The following SDK2 variants were observed in gnomAD, a reference collection of about 807,000 sequenced individuals.
The protein encoded by SDK2 is sidekick cell adhesion molecule 2.
In SDK2, 105 loss-of-function variants were observed where a neutral mutation model predicts 253.9. The ratio of observed to expected loss-of-function variants is 0.41; its 90% CI spans 0.35 to 0.49. The LOEUF (loss-of-function observed/expected upper bound fraction) is 0.49. SDK2 is among the 20% of genes least tolerant of loss of function. The pLI is 0.06. For missense variants in SDK2, 2,608 were observed against 3,003.0 expected, an observed-to-expected ratio of 0.87 and a Z score of 3.07; for synonymous variants, 1,249 against 1,234.9, an observed-to-expected ratio of 1.01 and a Z score of -0.24.
At chr17:73,605,352 C>T (rs1240214655) in intron 1 of SDK2, among the ~76,000 whole-genome samples, 1 of 152,078 alleles carries the variant, frequency 6.6e-6, no homozygotes, top group African/African-American at 2.4e-5. Context: ...GGGATCCAGG[C>T]TCAGGTGGAG....
At position 73,380,976 on chromosome 17, in the gene SDK2, G is replaced by A. The variant is rs994107987; in HGVS notation, c.4706-26C>T. On this transcript the variant is annotated intron_variant, in intron 33 of 44. Coordinates refer to ENST00000392650, the MANE Select transcript of SDK2 (RefSeq NM_001144952.2). ...CTATGGGGTGGGGGTGCCGGGGCGG[G>A]GGCGCAGAGGGAGACAGCAGACAGA... The A allele has an allele frequency of 3.0e-6, 4 of 1,344,314 alleles. No homozygotes were observed. The South Asian group carries it at 3.8e-5, about 13-fold the overall frequency. 83.3% of individuals were successfully genotyped at this position (1,344,314 alleles called of 1,614,324 possible).
rs2145620076 is a variant in SDK2, at chr17:73,435,808, A to C, written c.1001-164T>G. ...GTGCCACTTTGGGTCTAGGGAGAGG[A>C]GGAAGATGCTCTTTGAGTGGTAATT... On this transcript the variant is annotated intron_variant, in intron 8 of 44. Coordinates refer to ENST00000392650, the MANE Select transcript of SDK2 (RefSeq NM_001144952.2). The surrounding 1 kb of genome is among the most constrained non-coding windows in gnomAD (Gnocchi z 5.7). 6.6e-6 allele frequency among the ~76,000 whole-genome samples: 1 copy of C among 152,296 alleles called. No individual in the cohort carries two copies. The highest frequency in any genetic ancestry group is 2.1e-4 in the South Asian group (1 of 4,826).
chr17:73,465,576 G>T lies in SDK2; in HGVS notation c.331+6536C>A, dbSNP rs1401259351. Among the ~76,000 whole-genome samples, 1 of 152,084 alleles carries T rather than the reference G, an allele frequency of 6.6e-6. No homozygotes were observed. Among genetic ancestry groups the T allele is most frequent in the Non-Finnish European group, 1.5e-5 (1 of 68,022 alleles). On this transcript the variant is annotated intron_variant, in intron 3 of 44. Transcript: ENST00000392650. This position sits in a 1 kb window ranked among gnomAD's most constrained non-coding sequence, Gnocchi z 4.2. ...TGGTGACTTAAAAAAACACAAAGAA[G>T]AGACTCCAAGTGGGGACAGGAAGGG...
rs546098237 is a variant in SDK2, at chr17:73,535,957, C to T, written c.65-28360G>A. Among the ~76,000 whole-genome samples, 5 of 152,264 alleles carry T rather than the reference C, an allele frequency of 3.3e-5. No homozygotes were observed. In the East Asian group the frequency reaches 9.6e-4, roughly 29 times the overall value. On this transcript the variant is annotated intron_variant, in intron 1 of 44. Coordinates refer to ENST00000392650, the MANE Select transcript of SDK2 (RefSeq NM_001144952.2). ...CCAAGCACATCCTTTCTTCCTAATTCCTCTGTTTCCTCCACGCCCACTCTG... is the reference window on the plus strand; with the variant it reads ...CCAAGCACATCCTTTCTTCCTAATTTCTCTGTTTCCTCCACGCCCACTCTG...
intron 12 of SDK2, among the ~76,000 whole-genome samples, chr17:73,427,000 G>A (rs2063288978): frequency 6.6e-6 from 1 of 152,132 alleles, no homozygotes. Flanking sequence ...CAGGAGAATG[G>A]CGTGAACCCG....
At chr17:73,518,761 A>C (rs1402029071) in intron 1 of SDK2, 5 of 152,236 alleles carry the variant, frequency 3.3e-5, no homozygotes, top group Non-Finnish European at 7.3e-5. Context: ...ATGTTCACTA[A>C]GTCCTGGAAT....
intron 18 of SDK2, among the ~76,000 whole-genome samples, chr17:73,409,821 C>G (rs76116052): frequency 0.04 from 4,765 of 118,856 alleles, 143 homozygotes; most frequent in South Asian, 0.13. Flanking sequence ...AATACATTCT[C>G]TCTCTCTCTC....
intron 3 of SDK2, among the ~76,000 whole-genome samples, chr17:73,470,344 C>T (rs1458129217): frequency 6.6e-6 from 1 of 152,212 alleles, no homozygotes. Context: ...TATACACACT[C>T]ATTCTTTCCC....
At chr17:73,449,031 G>T (rs898867597) in intron 4 of SDK2, among the ~76,000 whole-genome samples, 2 of 152,156 alleles carry the variant, frequency 1.3e-5, no homozygotes, top group Non-Finnish European at 2.9e-5. Flanking sequence ...GGAAAAAGAG[G>T]CTGGTGTGTT....
intron 1 of SDK2, among the ~76,000 whole-genome samples, chr17:73,557,652 CCTCT>C (rs978803213): frequency 6.6e-6 from 1 of 151,956 alleles, no homozygotes; most frequent in Non-Finnish European, 1.5e-5. Flanking sequence ...TCCTCCTCCT[CCTCT>C]CTCTCTCTTT....
chr17:73,619,461 A>G (rs2046102330), intron 1 of SDK2, among the ~76,000 whole-genome samples: 1 of 152,240 alleles, frequency 6.6e-6, no homozygotes, highest in Admixed American at 6.5e-5. Flanking sequence ...CTGATTTTTG[A>G]CAAAGTTGTC....
At position 73,466,722 on chromosome 17, in the gene SDK2, C is replaced by CCCG. The variant is rs1555584431; in HGVS notation, c.331+5389_331+5390insCGG. Among the ~76,000 whole-genome samples, 5 of 145,902 alleles carry CCCG rather than the reference C, an allele frequency of 3.4e-5. 2 individuals are homozygous for CCCG. The highest frequency in any genetic ancestry group is 2.7e-4 in the Admixed American group (4 of 14,614). ...TTGGAGGCTCTGGGGAACGCCCCCCCCCCCCGGCTTAGGCTCTGCATCTTT... is the reference window on the plus strand; with the variant it reads ...TTGGAGGCTCTGGGGAACGCCCCCCCCCGCCCCCGGCTTAGGCTCTGCATCTTT... On this transcript the variant is annotated intron_variant, in intron 3 of 44. Transcript: ENST00000392650.
At chr17:73,590,857 C>A (rs528185477) in intron 1 of SDK2, among the ~76,000 whole-genome samples, 4 of 152,170 alleles carry the variant, frequency 2.6e-5, no homozygotes, top group African/African-American at 7.2e-5. Context: ...CTGCCACCAC[C>A]GGACTGTAGG....
intron 2 of SDK2, among the ~76,000 whole-genome samples, chr17:73,478,865 C>T (rs1393827876): frequency 1.3e-5 from 2 of 152,238 alleles, no homozygotes; most frequent in Admixed American, 6.5e-5. Context: ...ATAAATCAGA[C>T]GCCTGGAGAT....
In SDK2 at chr17:73,639,864, T is replaced by TG. The variant is rs1950281317; in HGVS notation, c.64+4160_64+4161insC. On this transcript the variant is annotated intron_variant, in intron 1 of 44. Coordinates refer to ENST00000392650, the MANE Select transcript of SDK2 (RefSeq NM_001144952.2). This position sits in a 1 kb window ranked among gnomAD's most constrained non-coding sequence, Gnocchi z 4.3. ...TTGAGCAGTAGTGAGTCCTCCATCATCAAGGGTATGCAAGCAGAGACCAGA... is the reference window on the plus strand; with the variant it reads ...TTGAGCAGTAGTGAGTCCTCCATCATGCAAGGGTATGCAAGCAGAGACCAGA... 6.6e-6 allele frequency among the ~76,000 whole-genome samples: 1 copy of TG among 152,098 alleles called. No individual in the cohort carries two copies. Among genetic ancestry groups the TG allele is most frequent in the African/African-American group, 2.4e-5 (1 of 41,412 alleles).
Position 73,352,655 on chromosome 17 carries a change from T to C in SDK2, c.5594-18A>G, listed in dbSNP as rs1473662315. ...TCCCTCGTCTGCAGGAGCACAGAGA[T>C]GGAGGCCCTGGGAGGTGAGGGGAAG... On this transcript the variant is annotated intron_variant, in intron 40 of 44. Coordinates refer to ENST00000392650, the MANE Select transcript of SDK2 (RefSeq NM_001144952.2). This position sits in a 1 kb window ranked among gnomAD's most constrained non-coding sequence, Gnocchi z 4.1. 1.2e-6 allele frequency: 2 copies of C among 1,612,412 alleles called. No homozygotes were observed. Among genetic ancestry groups the C allele is most frequent in the Admixed American group, 1.7e-5 (1 of 59,964 alleles).
chr17:73,359,158 C>A (rs1274520917), intron 39 of SDK2, among the ~76,000 whole-genome samples: 1 of 151,998 alleles, frequency 6.6e-6, no homozygotes, highest in African/African-American at 2.4e-5. Context: ...AGGGAGGGAA[C>A]CAGTGCATGA....
At chr17:73,373,815 T>G (rs2062755580) in intron 36 of SDK2, among the ~76,000 whole-genome samples, 1 of 152,090 alleles carries the variant, frequency 6.6e-6, no homozygotes, top group Non-Finnish European at 1.5e-5. Context: ...TTTTGTATTT[T>G]TAGTAGAGAC....
At chr17:73,553,867 C>T (rs1259283768) in intron 1 of SDK2, among the ~76,000 whole-genome samples, 1 of 152,126 alleles carries the variant, frequency 6.6e-6, no homozygotes, top group Non-Finnish European at 1.5e-5. Context: ...CCTACTCCCT[C>T]CCTAGGTATA....
Sources: allele counts gnomAD v4.1 joint callset (sites outside exome capture counted in the v4.1 genomes callset), GRCh38; gene constraint gnomAD v4.1.1; non-coding constraint Gnocchi (gnomAD v3.1); transcripts MANE v1.5; gene names NCBI Gene and HGNC (gene_info 2026-07-23, HGNC 2026-07-21).